The following DPP10 variants were observed in gnomAD, a reference collection of about 807,000 sequenced individuals.
DPP10 encodes inactive dipeptidyl peptidase 10.
DPP10 carries 33 observed loss-of-function variants against 120.9 expected under a neutral mutation model. The ratio of observed to expected loss-of-function variants is 0.27; its 90% CI spans 0.21 to 0.37. DPP10 has a LOEUF of 0.37. Among genes scored for constraint, DPP10 ranks in the 10% least tolerant of loss-of-function variants. The pLI is 1.00. For missense variants in DPP10, 816 were observed against 942.8 expected, an observed-to-expected ratio of 0.87 and a Z score of 1.76; for synonymous variants, 337 against 326.1, an observed-to-expected ratio of 1.03 and a Z score of -0.36.
At chr2:115,499,663 G>C (rs2076582508) in intron 4 of DPP10, 59 bp downstream of exon 4, 3 of 1,295,702 alleles carry the variant, frequency 2.3e-6, no homozygotes, top group East Asian at 2.5e-5. Flanking sequence ...AAGCTCTCTA[G>C]ATGTACATAA....
At chr2:115,187,801 A>G (rs548502357) in intron 1 of DPP10, among the ~76,000 whole-genome samples, 3 of 152,232 alleles carry the variant, frequency 2.0e-5, no homozygotes, top group Non-Finnish European at 4.4e-5. Flanking sequence ...AGGAGTTGGA[A>G]ATCAGCCTGA....
intron 7 of DPP10, among the ~76,000 whole-genome samples, chr2:115,690,694 A>G (rs1369131556): frequency 1.3e-5 from 2 of 152,150 alleles, no homozygotes; most frequent in African/African-American, 4.8e-5. Context: ...GATTACAGAC[A>G]TGAGCCAGTG....
intron 5 of DPP10, among the ~76,000 whole-genome samples, chr2:115,533,812 T>A (rs1234239200): frequency 6.6e-6 from 1 of 152,080 alleles, no homozygotes; most frequent in Non-Finnish European, 1.5e-5. Context: ...CATAGAATAC[T>A]CACCTTTCCT....
chr2:114,670,871 A>G (rs984608398), intron 1 of DPP10, among the ~76,000 whole-genome samples: 2 of 152,144 alleles, frequency 1.3e-5, no homozygotes, highest in Admixed American at 6.6e-5. Flanking sequence ...CTGTAGGAAA[A>G]CACATCAATA....
intron 1 of DPP10, among the ~76,000 whole-genome samples, chr2:114,569,846 A>G (rs774471737): frequency 8.5e-5 from 13 of 152,190 alleles, no homozygotes; most frequent in Non-Finnish European, 1.5e-4. Flanking sequence ...GTGCACGCCT[A>G]TCAACCTATC....
intron 3 of DPP10, among the ~76,000 whole-genome samples, chr2:115,366,619 A>G (rs886993531): frequency 6.6e-6 from 1 of 152,044 alleles, no homozygotes; most frequent in Non-Finnish European, 1.5e-5. Flanking sequence ...ATTTGTCTTC[A>G]TAATCATTGA....
chr2:115,159,255 G>A (rs75173817), intron 1 of DPP10, among the ~76,000 whole-genome samples: 1 of 152,214 alleles, frequency 6.6e-6, no homozygotes, highest in African/African-American at 2.4e-5. Context: ...TCAGGAGATC[G>A]AGACAATGCC....
At chr2:114,541,438 T>C (rs1195302566) in intron 1 of DPP10, among the ~76,000 whole-genome samples, 1 of 152,110 alleles carries the variant, frequency 6.6e-6, no homozygotes, top group Non-Finnish European at 1.5e-5. Flanking sequence ...CGGAATTCCA[T>C]ACTCCCTTCC....
chr2:114,521,318 A>G (rs945356891), intron 1 of DPP10, among the ~76,000 whole-genome samples: 3 of 151,744 alleles, frequency 2.0e-5, no homozygotes, highest in Non-Finnish European at 4.4e-5. Context: ...AGGCAGGCCG[A>G]TTTTAAGAAA....
At chr2:115,693,345 G>T (rs921917190) in intron 7 of DPP10, among the ~76,000 whole-genome samples, 8 of 152,040 alleles carry the variant, frequency 5.3e-5, no homozygotes, top group African/African-American at 1.9e-4. Flanking sequence ...GAAGTGGCAG[G>T]TGCTCTCATC....
chr2:114,890,326 T>C (rs1396725108), intron 1 of DPP10, among the ~76,000 whole-genome samples: 1 of 152,118 alleles, frequency 6.6e-6, no homozygotes, highest in Non-Finnish European at 1.5e-5. Flanking sequence ...AGGCAATTTA[T>C]ACATGAAAGG....
At chr2:115,705,691 G>A (rs1559053369) in intron 7 of DPP10, among the ~76,000 whole-genome samples, 1 of 151,732 alleles carries the variant, frequency 6.6e-6, no homozygotes, top group Non-Finnish European at 1.5e-5. Flanking sequence ...AATAAATTTG[G>A]ACCACTTTTT....
chr2:114,761,681 TGA>T (rs1230813213), intron 1 of DPP10, among the ~76,000 whole-genome samples: 3 of 152,134 alleles, frequency 2.0e-5, no homozygotes, highest in African/African-American at 7.2e-5. Context: ...CCTCCTGTGA[TGA>T]AAATAACAAA....
At chr2:114,764,370 T>C (rs1409404167) in intron 1 of DPP10, among the ~76,000 whole-genome samples, 2 of 151,678 alleles carry the variant, frequency 1.3e-5, no homozygotes, top group African/African-American at 2.4e-5. Flanking sequence ...AAAACAGTTT[T>C]GATCTCAAAG....
intron 17 of DPP10, among the ~76,000 whole-genome samples, chr2:115,787,991 A>T (rs1264401586): frequency 6.6e-6 from 1 of 152,182 alleles, no homozygotes; most frequent in Non-Finnish European, 1.5e-5. Flanking sequence ...ACAAACCTAG[A>T]AGATATTTCT....
At chr2:114,607,972 C>T (rs1030473823) in intron 1 of DPP10, among the ~76,000 whole-genome samples, 27 of 152,172 alleles carry the variant, frequency 1.8e-4, no homozygotes, top group Non-Finnish European at 1.5e-4. Context: ...TGTATTATGA[C>T]CCCCAAGCTT....
At chr2:114,764,800 C>T (rs543785572) in intron 1 of DPP10, among the ~76,000 whole-genome samples, 1 of 152,138 alleles carries the variant, frequency 6.6e-6, no homozygotes, top group Admixed American at 6.5e-5. Flanking sequence ...CTTCCTATAC[C>T]TACCTATGCA....
intron 1 of DPP10, among the ~76,000 whole-genome samples, chr2:115,139,486 GA>G (rs2104831944): frequency 6.6e-6 from 1 of 152,038 alleles, no homozygotes; most frequent in East Asian, 1.9e-4. Flanking sequence ...TACTGAGACA[GA>G]GAAATATATA....
chr2:115,831,297 G>A (rs553333714), intron 21 of DPP10, among the ~76,000 whole-genome samples: 2 of 152,040 alleles, frequency 1.3e-5, no homozygotes, highest in Non-Finnish European at 2.9e-5. Flanking sequence ...CGCCCAGGCT[G>A]GAGTGCAGTG....
Sources: allele counts gnomAD v4.1 joint callset (sites outside exome capture counted in the v4.1 genomes callset), GRCh38; gene constraint gnomAD v4.1.1; transcripts MANE v1.5; gene names NCBI Gene and HGNC (gene_info 2026-07-23, HGNC 2026-07-21).